The following NRK variants were observed in gnomAD, a reference collection of about 807,000 sequenced individuals.
NRK encodes nik-related protein kinase.
Under a neutral mutation model 125.2 loss-of-function variants are expected in NRK, and 67 were observed. The observed-to-expected ratio is 0.54, with a 90% CI of 0.44 to 0.66. The LOEUF (loss-of-function observed/expected upper bound fraction) is 0.66, where lower values mean the gene tolerates loss of function less well. Among genes scored for constraint, NRK ranks in the 30% least tolerant of loss-of-function variants. The pLI, the probability that NRK is intolerant of heterozygous loss-of-function variation, is 0.00. For missense variants in NRK, 1,224 were observed against 1,192.9 expected (o/e 1.03, Z -0.38); for synonymous variants, 458 against 429.0 (o/e 1.07, Z -0.84).
intron 1 of NRK, among the ~76,000 whole-genome samples, chrX:105,826,250 GATA>G (rs1414471573): frequency 1.3e-5 from 1 of 75,724 alleles, no homozygotes; most frequent in African/African-American, 5.2e-5. Flanking sequence ...TAATATATAT[GATA>G]ATATATATTT....
chrX:105,909,010 G>A lies in NRK; in HGVS notation c.1369G>A (p.Ala457Thr), dbSNP rs773486400. 7 of 1,207,768 alleles carry A rather than the reference G, an allele frequency of 5.8e-6. No homozygotes were observed. In the East Asian group the frequency reaches 1.5e-4, roughly 26 times the overall value. Residue 457 changes from alanine to threonine, a missense_variant, in exon 13 of 29, where the codon GCC (alanine) becomes ACC (threonine). Coordinates refer to ENST00000243300, the MANE Select transcript of NRK (RefSeq NM_198465.4). ...MPLQAQVKAKASKPLQMQIKA... is the reference protein window; with the variant it reads ...MPLQAQVKAKTSKPLQMQIKA... ...ACTACAGGCTCAGGTGAAGGCTAAG[G>A]CCTCTAAACCTCTACAAATGCAGAT...
intron 4 of NRK, among the ~76,000 whole-genome samples, chrX:105,885,797 A>G (rs2039935905): frequency 8.9e-6 from 1 of 112,120 alleles, no homozygotes. Flanking sequence ...AAGAAGTCAA[A>G]TAACAATGAT....
intron 5 of NRK, among the ~76,000 whole-genome samples, chrX:105,892,460 T>G (rs1416491355): frequency 8.9e-6 from 1 of 111,790 alleles, no homozygotes; most frequent in East Asian, 2.8e-4. Context: ...AATAAAGAAG[T>G]GTACGTACCA....
chrX:105,903,322 A>G (rs1047804545), intron 9 of NRK, among the ~76,000 whole-genome samples: 1 of 111,046 alleles, frequency 9.0e-6, no homozygotes, highest in Non-Finnish European at 1.9e-5. Context: ...TATCCCTTGT[A>G]GTGTCACTCT....
chrX:105,918,906 C>G (rs1270390746), intron 16 of NRK, among the ~76,000 whole-genome samples: 4 of 105,559 alleles, frequency 3.8e-5, no homozygotes, highest in African/African-American at 1.4e-4. Context: ...AATCTCAGAG[C>G]ACCTTACTAT....
At chrX:105,827,814 A>G (rs960247226) in intron 1 of NRK, among the ~76,000 whole-genome samples, 5 of 112,230 alleles carry the variant, frequency 4.5e-5, no homozygotes, top group African/African-American at 1.6e-4. Context: ...ACCATTTTGT[A>G]TACCCAAATG....
chrX:105,903,161 A>C (rs186842230), intron 9 of NRK, among the ~76,000 whole-genome samples: 1 of 111,673 alleles, frequency 9.0e-6, no homozygotes, highest in Non-Finnish European at 1.9e-5. Context: ...GGATAGGATC[A>C]ATAGTTAAGC....
intron 2 of NRK, among the ~76,000 whole-genome samples, chrX:105,833,024 A>G (rs750062933): frequency 1.8e-5 from 2 of 110,788 alleles, no homozygotes; most frequent in Non-Finnish European, 3.8e-5. Flanking sequence ...GCAAGACCTT[A>G]TCGCTTAAAA....
At chrX:105,946,284 CT>C (rs1322073353) in intron 25 of NRK, 30 bp from the exon 26 acceptor site, 12 of 1,160,359 alleles carry the variant, frequency 1.0e-5, no homozygotes, top group Non-Finnish European at 1.4e-5. Flanking sequence ...CATTTTTGGC[CT>C]TTTGGCCATA....
Position 105,909,540 on chromosome X carries a change from T to A in NRK, c.1899T>A (p.Ile633=). ...GGACACTAGAACCCCCACAGGCAAT[T>A]GGCTCAGTTCAAGCACTGATAGAGG... ...QAWTLEPPQA[I]GSVQALIEGL... Residue 633 remains isoleucine (I), a synonymous_variant, in exon 13 of 29, where the codon ATT becomes ATA. Transcript: ENST00000243300. 2 of 1,209,933 alleles carry A rather than the reference T, an allele frequency of 1.7e-6. No individual in the cohort carries two copies. The highest frequency in any genetic ancestry group is 5.9e-5 in the East Asian group (2 of 33,680).
At chrX:105,945,020 A>G (rs2040795141) in intron 24 of NRK, among the ~76,000 whole-genome samples, 1 of 111,919 alleles carries the variant, frequency 8.9e-6, no homozygotes, top group African/African-American at 3.3e-5. Flanking sequence ...CTTAAATGGA[A>G]TTATTTTGTA....
Position 105,923,319 on chromosome X carries a change from T to C in NRK, c.2812T>C (p.Ser938Pro), listed in dbSNP as rs758879022. Residue 938 changes from serine to proline, a missense_variant, in exon 18 of 29, where the codon TCT (serine) becomes CCT (proline). Transcript: ENST00000243300. Reference sequence around the variant, plus strand: ...TACTGATGGTGATGATGATGATGAGTCTAATGATACTTTTGAAGATACCTA... The same window carrying C: ...TACTGATGGTGATGATGATGATGAGCCTAATGATACTTTTGAAGATACCTA... ...ADTDGDDDDE[S>P]NDTFEDTYDH... 1.7e-6 allele frequency: 2 copies of C among 1,188,329 alleles called. No homozygotes were observed. Among genetic ancestry groups the C allele is most frequent in the East Asian group, 6.1e-5 (2 of 33,000 alleles).
At chrX:105,883,040 G>A (rs1651753707) in intron 4 of NRK, among the ~76,000 whole-genome samples, 1 of 112,079 alleles carries the variant, frequency 8.9e-6, no homozygotes, top group Admixed American at 9.5e-5. Flanking sequence ...ACAAAACGCA[G>A]GGTATTCAGG....
chrX:105,883,032 A>T (rs1159749047), intron 4 of NRK, among the ~76,000 whole-genome samples: 2 of 112,307 alleles, frequency 1.8e-5, no homozygotes, highest in African/African-American at 6.5e-5. Flanking sequence ...TCCTCTTGAC[A>T]AAACGCAGGG....
At chrX:105,944,315 T>G (rs888574507) in intron 24 of NRK, among the ~76,000 whole-genome samples, 1 of 111,336 alleles carries the variant, frequency 9.0e-6, no homozygotes, top group Non-Finnish European at 1.9e-5. Context: ...CACCTCAGCC[T>G]CCCAAGTAGC....
At position 105,900,151 on chromosome X, in the gene NRK, T is replaced by TACACAC. The variant is rs202022404; in HGVS notation, c.712-429_712-424dup. Among the ~76,000 whole-genome samples, 573 of 89,387 alleles carry TACACAC rather than the reference T, an allele frequency of 6.4e-3. 2 individuals carry two copies. The highest frequency in any genetic ancestry group is 0.026 in the South Asian group (39 of 1,521). The allele number at this position is 89,387 out of a possible 115,157, so 77.6% of individuals were successfully genotyped here. On this transcript the variant is annotated intron_variant, in intron 8 of 28. Transcript: ENST00000243300. Reference sequence around the variant, plus strand: ...TAGTATATTCCAGGAACTGCTGAAGTACACACACACACACACACACACACA... The same window carrying TACACAC: ...TAGTATATTCCAGGAACTGCTGAAGTACACACACACACACACACACACACACACACA...
intron 2 of NRK, among the ~76,000 whole-genome samples, chrX:105,850,078 G>T (rs2039452468): frequency 8.9e-6 from 1 of 112,339 alleles, no homozygotes; most frequent in African/African-American, 3.2e-5. Flanking sequence ...GCAAACCTTT[G>T]CCTGGTGATC....
At position 105,870,004 on chromosome X, in the gene NRK, C is replaced by A. The variant is rs140683508; in HGVS notation, c.124-10195C>A. 8.9e-3 allele frequency among the ~76,000 whole-genome samples: 989 copies of A among 111,534 alleles called. 9 individuals carry two copies. Among genetic ancestry groups the A allele is most frequent in the African/African-American group, 0.031 (936 of 30,681 alleles). Reference sequence around the variant, plus strand: ...GGAGGGTTTTGTTGCTCTTGCCATACCCTCACCCACTGCCCCATGGTTAAG... The same window carrying A: ...GGAGGGTTTTGTTGCTCTTGCCATAACCTCACCCACTGCCCCATGGTTAAG... On this transcript the variant is annotated intron_variant, in intron 2 of 28. Transcript: ENST00000243300.
chrX:105,942,354 A>C, intron 23 of NRK, among the ~76,000 whole-genome samples: 1 of 111,919 alleles, frequency 8.9e-6, no homozygotes, highest in African/African-American at 3.3e-5. Context: ...CTATCTGTAA[A>C]GTATGAGAGT....
Sources: allele counts gnomAD v4.1 joint callset (sites outside exome capture counted in the v4.1 genomes callset), GRCh38; gene constraint gnomAD v4.1.1; transcripts MANE v1.5; gene names NCBI Gene and HGNC (gene_info 2026-07-23, HGNC 2026-07-21).